ADAMTS1: variants seen among roughly 807,000 people sequenced by gnomAD.
ADAMTS1 encodes the protein ADAM metallopeptidase with thrombospondin type 1 motif 1.
In ADAMTS1, 19 loss-of-function variants were observed where a neutral mutation model predicts 87.9. That is an observed-to-expected ratio of 0.22 (90% CI 0.15 to 0.32). The LOEUF is 0.32. ADAMTS1 is among the 10% of genes least tolerant of loss of function. ADAMTS1 has a pLI of 1.00. For synonymous variants in ADAMTS1, 542 were observed against 501.8 expected (o/e 1.08, Z -1.07); for missense variants, 1,240 against 1,259.1 (o/e 0.98, Z 0.23).
In ADAMTS1 at chr21:26,838,463, A is replaced by AT; in HGVS notation, c.2179dup (p.Ile727AsnfsTer7). 1.2e-6 allele frequency: 2 copies of AT among 1,614,136 alleles called. No homozygotes were observed. The highest frequency in any genetic ancestry group is 1.7e-6 in the Non-Finnish European group (2 of 1,180,018). ...CTTTGCACTAGTAACTGATCCTGAT[A>AT]TTTTTTTACAAGTAGATCCATTTCC... On this transcript the variant is annotated frameshift_variant, in exon 8 of 9. Coordinates refer to ENST00000284984, the MANE Select transcript of ADAMTS1 (RefSeq NM_006988.5). LOFTEE classifies it high-confidence loss of function.
intron 3 of ADAMTS1, chr21:26,841,409 G>A (rs1822628): frequency 0.034 from 12,663 of 375,044 alleles, 313 homozygotes; most frequent in African/African-American, 0.082. Flanking sequence ...AACCCAGGAG[G>A]CAGAAGTTGC....
In ADAMTS1 at chr21:26,844,837, C is replaced by T; in HGVS notation, c.118G>A (p.Ala40Thr). 1 of 1,553,960 alleles carries T rather than the reference C, an allele frequency of 6.4e-7. No homozygotes were observed. The highest frequency in any genetic ancestry group is 8.7e-7 in the Non-Finnish European group (1 of 1,150,026). ...TCCGACACGGCCAGTAGCGCCGCGG[C>T]GAGCAGCAGCAGCGTGGGTACTGGC... ...FGPVPTLLLL[A>T]AALLAVSDAL... The change falls in exon 1 of 9, where the codon GCC becomes ACC. Residue 40 changes from alanine (A) to threonine (T), a missense_variant. By Grantham distance (58) the Ala-to-Thr change is moderately conservative. Around this residue, in one of 3 missense-constraint regions of ADAMTS1, gnomAD observed 521 missense variants for 449.7 expected, o/e 1.16. Transcript: ENST00000284984.
chr21:26,844,520 C>T lies in ADAMTS1; in HGVS notation c.435G>A (p.Val145=). ...SAAALSLCEG[V]RGAFYLLGEA... is the part of the protein sequence containing the mutation. Reference sequence around the variant, plus strand: ...CCCCCAGCAGGTAGAAGGCGCCGCGCACGCCCTCGCAGAGGCTGAGGGCGG... The same window carrying T: ...CCCCCAGCAGGTAGAAGGCGCCGCGTACGCCCTCGCAGAGGCTGAGGGCGG... The change falls in exon 1 of 9, where the codon GTG becomes GTA. Residue 145 remains valine (V), a synonymous_variant. Coordinates refer to ENST00000284984, the MANE Select transcript of ADAMTS1 (RefSeq NM_006988.5). The T allele has an allele frequency of 1.2e-6, 2 of 1,600,214 alleles. No homozygotes were observed. Among genetic ancestry groups the T allele is most frequent in the Non-Finnish European group, 1.7e-6 (2 of 1,173,984 alleles).
rs144295160 is a variant in ADAMTS1 at position 26,838,066 on chromosome 21, G to A, written c.2417C>T (p.Ala806Val). The A allele has an allele frequency of 2.7e-5, 43 of 1,614,140 alleles. No individual in the cohort carries two copies. The Middle Eastern group carries it at 4.9e-4, about 19-fold the overall frequency. Residue 806 changes from alanine to valine, a missense_variant, in exon 9 of 9, where the codon GCG becomes GTG. By Grantham distance (64) the Ala-to-Val change is moderately conservative. Transcript: ENST00000284984. ...AAAGCTGCGAATTCTTTCCAATGCC[G>A]CAGAGGAGCCGCTGTACCTCAAGAC... ...GVVLRYSGSSAALERIRSFSP... is the reference protein window; with the variant it reads ...GVVLRYSGSSVALERIRSFSP...
In ADAMTS1 at chr21:26,838,489, C is replaced by G. The variant is rs1985424716; in HGVS notation, c.2154G>C (p.Gly718=). ...TTTTTTTACAAGTAGATCCATTTCC[C>G]CCGCAAACACCACATTTATCAAACT... is the stretch of plus-strand genomic sequence containing the variant. ...KKKFDKCGVC[G]GNGSTCKKIS... Residue 718 remains glycine (G), a synonymous_variant, in exon 8 of 9, where the codon GGG becomes GGC. Transcript: ENST00000284984. The G allele has an allele frequency of 6.2e-7, 1 of 1,613,988 alleles. No individual in the cohort carries two copies. The highest frequency in any genetic ancestry group is 1.7e-5 in the Admixed American group (1 of 59,990).
In ADAMTS1 at chr21:26,841,520, AG is replaced by A. The variant is rs1985494054; in HGVS notation, c.1210+337del. Reference sequence around the variant, plus strand: ...AAATAAAATATGGATGATATGCAGCAGGTTCTTTTTTCCCAACAGGGATTCA... The same window carrying A: ...AAATAAAATATGGATGATATGCAGCAGTTCTTTTTTCCCAACAGGGATTCA... On this transcript the variant is annotated intron_variant, in intron 3 of 8. Coordinates refer to ENST00000284984, the MANE Select transcript of ADAMTS1 (RefSeq NM_006988.5). 1.1e-5 allele frequency: 3 copies of A among 270,278 alleles called. No homozygotes were observed. The Admixed American group carries it at 1.4e-4, about 13-fold the overall frequency. 16.7% of individuals were successfully genotyped at this position (270,278 alleles called of 1,614,324 possible).
chr21:26,844,422 G>T lies in ADAMTS1; in HGVS notation c.533C>A (p.Pro178Gln). The part of the protein sequence containing the change: ...LATAAPGEKP[P>Q]APLQFHLLRR... ...CAGGAGGTGGAACTGTAGTGGTGCC[G>T]GCGGCTTCTCCCCTGGGGCGGCGGT... The change falls in exon 1 of 9, where the codon CCG becomes CAG. Residue 178 changes from proline (P) to glutamine (Q), a missense_variant. By Grantham distance (76) the Pro-to-Gln change is moderately conservative. Around this residue, in one of 3 missense-constraint regions of ADAMTS1, gnomAD observed 521 missense variants for 449.7 expected, o/e 1.16. Coordinates refer to ENST00000284984, the MANE Select transcript of ADAMTS1 (RefSeq NM_006988.5). 1.1e-5 allele frequency: 17 copies of T among 1,588,334 alleles called. No individual in the cohort carries two copies. The highest frequency in any genetic ancestry group is 1.5e-5 in the Non-Finnish European group (17 of 1,167,882).
chr21:26,845,092 G>A lies in ADAMTS1; in HGVS notation c.-138C>T. On this transcript the variant is annotated 5_prime_UTR_variant, in exon 1 of 9. Transcript: ENST00000284984. ...CTATTATTCGTTGGAAGGGCGCGCA[G>A]AGCCGGCTACAGCCGAAGCTCCCGG... is the stretch of plus-strand genomic sequence containing the variant. 8.3e-7 allele frequency: 1 copy of A among 1,202,466 alleles called. No homozygotes were observed. The highest frequency in any genetic ancestry group is 1.1e-6 in the Non-Finnish European group (1 of 940,488). The allele number at this position is 1,202,466 out of a possible 1,614,324, so 74.5% of individuals were successfully genotyped here.
chr21:26,843,809 A>G, intron 1 of ADAMTS1: 2 of 468,784 alleles, frequency 4.3e-6, no homozygotes, highest in East Asian at 1.3e-4. Context: ...GGATGCACGC[A>G]CAGGCAGCGG....
chr21:26,842,035 C>A (rs1458048989), intron 2 of ADAMTS1, 45 bp from the exon 3 acceptor site: 1 of 1,584,990 alleles, frequency 6.3e-7, no homozygotes. Flanking sequence ...GGGAGCATGA[C>A]CCTTGGGATC....
Position 26,840,413 on chromosome 21 carries a change from A to T in ADAMTS1, c.1528T>A (p.Trp510Arg), listed in dbSNP as rs747692552. 1.9e-6 allele frequency: 3 copies of T among 1,614,144 alleles called. No individual in the cohort carries two copies. The highest frequency in any genetic ancestry group is 2.5e-6 in the Non-Finnish European group (3 of 1,179,948). The change falls in exon 5 of 9, where the codon TGG (tryptophan) becomes AGG (arginine). Residue 510 changes from tryptophan (W) to arginine (R), a missense_variant. Physicochemically the swap from Trp to Arg is moderately radical, Grantham distance 101. Coordinates refer to ENST00000284984, the MANE Select transcript of ADAMTS1 (RefSeq NM_006988.5). ...PDAASTCSTL[W>R]CTGTSGGVLV... ...ACCCCACCAGAGGTGCCGGTACACC[A>T]CAAGGTGCTACATGTGCTGGCTGCA...
chr21:26,839,346 T>G, intron 7 of ADAMTS1: 1 of 380,578 alleles, frequency 2.6e-6, no homozygotes, highest in Non-Finnish European at 4.7e-6. Flanking sequence ...TTTCTTTGCA[T>G]ATAAAAGAGT....
rs1355245343 is a variant in ADAMTS1 at position 26,837,906 on chromosome 21, G to A, written c.2577C>T (p.Val859=). The part of the protein sequence containing the change: ...FNAIPTFSAW[V]IEEWGECSKS... Reference sequence around the variant, plus strand: ...TAGAACATTCGCCCCACTCTTCAATGACCCATGCTGAAAAAGTGGGGATAG... The same window carrying A: ...TAGAACATTCGCCCCACTCTTCAATAACCCATGCTGAAAAAGTGGGGATAG... The change falls in exon 9 of 9, where the codon GTC becomes GTT. Residue 859 remains valine, a synonymous_variant. Coordinates refer to ENST00000284984, the MANE Select transcript of ADAMTS1 (RefSeq NM_006988.5). 3.1e-6 allele frequency: 5 copies of A among 1,614,186 alleles called. No individual in the cohort carries two copies. The East Asian group carries it at 8.9e-5, about 29-fold the overall frequency.
chr21:26,842,282 G>T, intron 2 of ADAMTS1, 57 bp downstream of exon 2: 1 of 1,501,352 alleles, frequency 6.7e-7, no homozygotes, highest in Non-Finnish European at 9.0e-7. Flanking sequence ...ATATCTTTTT[G>T]GTACAACGTA....
Sources: gnomAD v4.1 joint callset for allele counts on GRCh38, gnomAD v4.1.1 for gene constraint, gnomAD v4.1.1 regional missense constraint, MANE v1.5 for transcripts, NCBI Gene and HGNC (gene_info 2026-07-23, HGNC 2026-07-21) for gene names.